TICAM1: variants seen among roughly 807,000 people sequenced by gnomAD.
TICAM1 encodes TIR domain containing adaptor molecule 1, also known as TIR domain-containing adapter molecule 1.
For missense variants in TICAM1, 895 were observed against 938.2 expected, an observed-to-expected ratio of 0.95 and a Z score of 0.60; for synonymous variants, 439 against 415.4, an observed-to-expected ratio of 1.06 and a Z score of -0.69.
At position 4,816,127 on chromosome 19, in the gene TICAM1, A is replaced by C. The variant is rs1600051948; in HGVS notation, c.*112T>G. ...GACAATGTCCTGAAAGTGGCAGATG[A>C]CCTCATCTTCCACTGTCCACAGGGC... On this transcript the variant is annotated 3_prime_UTR_variant, in exon 2 of 2. Coordinates refer to ENST00000248244, the MANE Select transcript of TICAM1 (RefSeq NM_182919.4). The surrounding 1 kb of genome is among the most constrained non-coding windows in gnomAD (Gnocchi z 4.3). 1 of 1,337,956 alleles carries C rather than the reference A, an allele frequency of 7.5e-7. No homozygotes were observed. 82.9% of individuals were successfully genotyped at this position (1,337,956 alleles called of 1,614,324 possible). A position where few individuals can be genotyped will look rare whatever the true frequency, so the allele number is the denominator to read the frequency against.
chr19:4,822,486 G>A (rs943839010), intron 1 of TICAM1, among the ~76,000 whole-genome samples: 1 of 152,084 alleles, frequency 6.6e-6, no homozygotes, highest in African/African-American at 2.4e-5. Flanking sequence ...TGTGTGATCC[G>A]CCCACCTTGG....
intron 1 of TICAM1, among the ~76,000 whole-genome samples, chr19:4,824,671 A>G (rs989361380): frequency 2.7e-5 from 4 of 146,312 alleles, no homozygotes; most frequent in East Asian, 2.3e-4. Flanking sequence ...AGTGGCTCAC[A>G]CCTGTAATCC....
rs538861881 is a variant in TICAM1 at position 4,829,079 on chromosome 19, C to T, written c.-140+2535G>A. On this transcript the variant is annotated intron_variant, in intron 1 of 1. Transcript: ENST00000248244. ...CGAACTCCTGACCTCAATCGATCCGCCTGCCTTGGCCTCCCAGAGTGCTGG... is the reference window on the plus strand; with the variant it reads ...CGAACTCCTGACCTCAATCGATCCGTCTGCCTTGGCCTCCCAGAGTGCTGG... 2.6e-5 allele frequency among the ~76,000 whole-genome samples: 4 copies of T among 152,328 alleles called. No individual in the cohort carries two copies. In the East Asian group the frequency reaches 7.7e-4, roughly 29 times the overall value.
At chr19:4,830,891 C>G (rs2093612710) in intron 1 of TICAM1, among the ~76,000 whole-genome samples, 1 of 152,130 alleles carries the variant, frequency 6.6e-6, no homozygotes, top group Non-Finnish European at 1.5e-5. Context: ...AGCCACCTGC[C>G]CAAAGGCCCT....
chr19:4,819,726 T>A (rs184403139), intron 1 of TICAM1, among the ~76,000 whole-genome samples: 2 of 151,884 alleles, frequency 1.3e-5, no homozygotes, highest in East Asian at 3.9e-4. Context: ...TACAAAAAAA[T>A]TAGCCGGGTG....
At chr19:4,826,676 A>G (rs968995086) in intron 1 of TICAM1, among the ~76,000 whole-genome samples, 1 of 152,148 alleles carries the variant, frequency 6.6e-6, no homozygotes, top group African/African-American at 2.4e-5. Context: ...TCTCCACTAC[A>G]GTCCAGTAAT....
intron 1 of TICAM1, among the ~76,000 whole-genome samples, chr19:4,825,852 G>C (rs991958477): frequency 6.6e-6 from 1 of 151,938 alleles, no homozygotes; most frequent in African/African-American, 2.4e-5. Context: ...CCAGCTACTC[G>C]GGAGGCTGAG....
intron 1 of TICAM1, among the ~76,000 whole-genome samples, chr19:4,823,056 A>G (rs954148590): frequency 6.6e-6 from 1 of 152,318 alleles, no homozygotes; most frequent in Non-Finnish European, 1.5e-5. Flanking sequence ...CTGACGGCTC[A>G]TGCCTGTAAT....
chr19:4,823,993 A>C (rs181214512), intron 1 of TICAM1, among the ~76,000 whole-genome samples: 1 of 142,304 alleles, frequency 7.0e-6, no homozygotes, highest in Non-Finnish European at 1.5e-5. Flanking sequence ...CTGTGGTAGT[A>C]AAGAGACACT....
At chr19:4,826,619 G>A (rs758833682) in intron 1 of TICAM1, among the ~76,000 whole-genome samples, 7 of 151,892 alleles carry the variant, frequency 4.6e-5, no homozygotes, top group South Asian at 2.1e-4. Context: ...GCCACTGTTC[G>A]CGGCTGCTTC....
At chr19:4,820,418 T>C (rs1465984425) in intron 1 of TICAM1, among the ~76,000 whole-genome samples, 6 of 108,720 alleles carry the variant, frequency 5.5e-5, no homozygotes, top group Non-Finnish European at 1.2e-4. Context: ...AGACTCCATC[T>C]AAAAAAAAAA....
Position 4,816,228 on chromosome 19 carries a change from A to G in TICAM1, c.*11T>C, listed in dbSNP as rs753575386. 6 of 1,500,266 alleles carry G rather than the reference A, an allele frequency of 4.0e-6. No homozygotes were observed. Among genetic ancestry groups the G allele is most frequent in the Admixed American group, 4.6e-5 (2 of 43,284 alleles). 92.9% of individuals were successfully genotyped at this position (1,500,266 alleles called of 1,614,324 possible). ...GGGGTGTTCCCCAGGTGGTCAGGCA[A>G]GGACACGCGGTCATTCTGCCTCCTG... On this transcript the variant is annotated 3_prime_UTR_variant, in exon 2 of 2. Transcript: ENST00000248244. This position sits in a 1 kb window ranked among gnomAD's most constrained non-coding sequence, Gnocchi z 4.3.
intron 1 of TICAM1, among the ~76,000 whole-genome samples, chr19:4,826,327 T>TTATA (rs2093605367): frequency 6.6e-6 from 1 of 151,416 alleles, no homozygotes; most frequent in Admixed American, 6.6e-5. Flanking sequence ...ATTTATTTAT[T>TTATA]TATTTATATA....
chr19:4,826,803 G>A (rs780020143), intron 1 of TICAM1, among the ~76,000 whole-genome samples: 1 of 152,064 alleles, frequency 6.6e-6, no homozygotes, highest in Non-Finnish European at 1.5e-5. Context: ...AGGCTGTCTG[G>A]TTCTAGAATC....
rs374681214 is a variant in TICAM1, at chr19:4,818,401, G to A, written c.-24C>T. 516 of 1,550,118 alleles carry A rather than the reference G, an allele frequency of 3.3e-4. 1 individual carries two copies. The highest frequency in any genetic ancestry group is 1.2e-3 in the African/African-American group (85 of 72,904). On this transcript the variant is annotated 5_prime_UTR_variant, in exon 2 of 2. Transcript: ENST00000248244. The surrounding 1 kb of genome is among the most constrained non-coding windows in gnomAD (Gnocchi z 4.0). ...ATGGGCACAGGTGGGTGCAGCCTCC[G>A]GCAGCAGAAGCTGGAGGTGGTGAAG...
In TICAM1 at chr19:4,818,490, G is replaced by A. The variant is rs761349209; in HGVS notation, c.-113C>T. 4.6e-4 allele frequency: 667 copies of A among 1,442,536 alleles called. No individual in the cohort carries two copies. The highest frequency in any genetic ancestry group is 5.7e-4 in the Non-Finnish European group (621 of 1,094,964). The allele number at this position is 1,442,536 out of a possible 1,614,324, so 89.4% of individuals were successfully genotyped here. ...TGTCCCCTACCCATTCACTGTTCCA[G>A]GTTCTGCAGGAGCTGCCCAAGCAGA... is the stretch of plus-strand genomic sequence containing the variant. On this transcript the variant is annotated 5_prime_UTR_variant, in exon 2 of 2. Coordinates refer to ENST00000248244, the MANE Select transcript of TICAM1 (RefSeq NM_182919.4). This position sits in a 1 kb window ranked among gnomAD's most constrained non-coding sequence, Gnocchi z 4.0.
Position 4,817,515 on chromosome 19 carries a change from G to A in TICAM1, c.863C>T (p.Pro288Leu), listed in dbSNP as rs1355968207. ...VAPDATSTGL[P>L]DTPAAPETST... ...GGTTTCTGGAGCTGCGGGGGTATCA[G>A]GGAGGCCAGTGGAGGTTGCATCTGG... is the stretch of plus-strand genomic sequence containing the variant. Residue 288 changes from proline to leucine, a missense_variant, in exon 2 of 2, where the codon CCT (proline) becomes CTT (leucine). Transcript: ENST00000248244. The surrounding 1 kb of genome is among the most constrained non-coding windows in gnomAD (Gnocchi z 4.7). 20 of 1,613,804 alleles carry A rather than the reference G, an allele frequency of 1.2e-5. No individual in the cohort carries two copies. The highest frequency in any genetic ancestry group is 4.0e-5 in the African/African-American group (3 of 74,910).
At position 4,817,284 on chromosome 19, in the gene TICAM1, G is replaced by C. The variant is rs767013628; in HGVS notation, c.1094C>G (p.Pro365Arg). 8.1e-6 allele frequency: 13 copies of C among 1,612,032 alleles called. No individual in the cohort carries two copies. The highest frequency in any genetic ancestry group is 1.1e-5 in the Non-Finnish European group (13 of 1,179,280). Reference protein sequence around the residue: ...TPETSPPPPPPPPSSTPCSAH... With the variant: ...TPETSPPPPPRPPSSTPCSAH... The stretch of plus-strand genomic sequence containing the variant: ...TGAACAAGGAGTAGATGAAGGAGGA[G>C]GAGGAGGAGGAGGAGGGGATGTTTC... Residue 365 changes from proline to arginine, a missense_variant, in exon 2 of 2, where the codon CCT (proline) becomes CGT (arginine). Pro to Arg is a moderately radical substitution (Grantham distance 103). Transcript: ENST00000248244. The surrounding 1 kb of genome is among the most constrained non-coding windows in gnomAD (Gnocchi z 4.7).
chr19:4,827,723 A>T (rs558503681), intron 1 of TICAM1, among the ~76,000 whole-genome samples: 9 of 147,178 alleles, frequency 6.1e-5, no homozygotes, highest in Admixed American at 5.0e-4. Context: ...GTGCCACTGC[A>T]CTCCAGCCTG....
Sources: gnomAD v4.1 joint callset for allele counts (sites outside exome capture counted in the v4.1 genomes callset) on GRCh38, gnomAD v4.1.1 for gene constraint, Gnocchi (gnomAD v3.1) non-coding constraint, MANE v1.5 for transcripts, NCBI Gene and HGNC (gene_info 2026-07-23, HGNC 2026-07-21) for gene names.